The following OTUD7A variants were observed in gnomAD, a reference collection of about 807,000 sequenced individuals.
OTUD7A encodes the protein OTU domain-containing protein 7A.
A neutral mutation model predicts 65.7 loss-of-function variants in OTUD7A; 12 were observed. The observed-to-expected ratio is 0.18, with a 90% CI of 0.12 to 0.30. The LOEUF (loss-of-function observed/expected upper bound fraction) is 0.30, where lower values mean the gene tolerates loss of function less well. OTUD7A is among the 10% of genes least tolerant of loss of function. OTUD7A has a pLI of 1.00. For missense variants in OTUD7A, 1,148 were observed against 1,304.8 expected (o/e 0.88, Z 1.85); for synonymous variants, 641 against 586.3 (o/e 1.09, Z -1.35).
At chr15:31,505,568 T>A (rs934369507) in intron 8 of OTUD7A, among the ~76,000 whole-genome samples, 2 of 152,170 alleles carry the variant, frequency 1.3e-5, no homozygotes, top group Non-Finnish European at 2.9e-5. Flanking sequence ...AATTTTTTTT[T>A]AATTTGTCTG....
chr15:31,624,238 A>T (rs1890885187), intron 3 of OTUD7A, among the ~76,000 whole-genome samples: 1 of 152,264 alleles, frequency 6.6e-6, no homozygotes, highest in Admixed American at 6.5e-5. Flanking sequence ...TACAAATTTA[A>T]CATTAAATTA....
At chr15:31,769,741 T>C (rs1474561448) in intron 1 of OTUD7A, among the ~76,000 whole-genome samples, 1 of 152,216 alleles carries the variant, frequency 6.6e-6, no homozygotes, top group African/African-American at 2.4e-5. Context: ...TCCATTTTTA[T>C]GACACCCTGA....
intron 1 of OTUD7A, among the ~76,000 whole-genome samples, chr15:31,676,993 C>T (rs1211062986): frequency 6.6e-6 from 1 of 152,176 alleles, no homozygotes; most frequent in African/African-American, 2.4e-5. Flanking sequence ...TGACCATGGC[C>T]CTTGCCTTTG....
Position 31,483,538 on chromosome 15 carries a change from T to C in OTUD7A, c.2558A>G (p.His853Arg), listed in dbSNP as rs1024393364. 1.5e-6 allele frequency: 2 copies of C among 1,342,594 alleles called. No homozygotes were observed. The highest frequency in any genetic ancestry group is 1.9e-6 in the Non-Finnish European group (2 of 1,042,442). The allele number at this position is 1,342,594 out of a possible 1,614,324, so 83.2% of individuals were successfully genotyped here. Reference protein sequence around the residue: ...GAAGTAGAAEHKSQTYTNGFG... With the variant: ...GAAGTAGAAERKSQTYTNGFG... ...GCCGTTGGTGTAGGTCTGCGACTTG[T>C]GCTCGGCCGCCCCCGCCGTCCCCGC... is the stretch of plus-strand genomic sequence containing the variant. Residue 853 changes from histidine to arginine, a missense_variant, in exon 13 of 13, where the codon CAC becomes CGC. By Grantham distance (29) the His-to-Arg change is conservative. This residue lies in a region of OTUD7A where 842 missense variants were observed against 769.5 expected (regional missense o/e 1.09). Coordinates refer to ENST00000307050, the MANE Select transcript of OTUD7A (RefSeq NM_001382637.1).
rs911638540 is a variant in OTUD7A at position 31,843,496 on chromosome 15, G to A, written c.-100+27011C>T. Among the ~76,000 whole-genome samples, 10 of 152,146 alleles carry A rather than the reference G, an allele frequency of 6.6e-5. 1 individual carries two copies. Among genetic ancestry groups the A allele is most frequent in the Non-Finnish European group, 1.3e-4 (9 of 68,018 alleles). On this transcript the variant is annotated intron_variant, in intron 1 of 12. Transcript: ENST00000307050. ...ATGTATCATTTTGAAATGACAATCT[G>A]TACAATTTCCATTTAACACAATTAC...
rs5811658 is a variant in OTUD7A at position 31,726,347 on chromosome 15, G to GCACA, written c.-99-69274_-99-69271dup. ...TCTCGAATTACACACACACACACAC[G>GCACA]CACACACACACACACACACACTTTG... On this transcript the variant is annotated intron_variant, in intron 1 of 12. Coordinates refer to ENST00000307050, the MANE Select transcript of OTUD7A (RefSeq NM_001382637.1). Among the ~76,000 whole-genome samples the GCACA allele has an allele frequency of 4.2e-3, 624 of 149,902 alleles. 3 individuals are homozygous for GCACA. Among genetic ancestry groups the GCACA allele is most frequent in the African/African-American group, 0.01 (427 of 40,840 alleles).
intron 1 of OTUD7A, among the ~76,000 whole-genome samples, chr15:31,740,858 G>A (rs763719999): frequency 1.3e-5 from 2 of 152,234 alleles, no homozygotes; most frequent in Non-Finnish European, 2.9e-5. Context: ...TACATCATGT[G>A]AATTGTAACC....
intron 3 of OTUD7A, among the ~76,000 whole-genome samples, chr15:31,574,975 C>T (rs886147117): frequency 9.2e-5 from 14 of 152,246 alleles, no homozygotes; most frequent in East Asian, 5.8e-4. Context: ...GCCTGCTTGC[C>T]GTGCCCTGCC....
Position 31,870,499 on chromosome 15 carries a change from C to A in OTUD7A, c.-100+8G>T. ...CCGCCGGCAGCACCGCGGCCAGCGCCGTCTTACCTGCCGCGCCGCGCCGCT... is the reference window on the plus strand; with the variant it reads ...CCGCCGGCAGCACCGCGGCCAGCGCAGTCTTACCTGCCGCGCCGCGCCGCT... On this transcript the variant is annotated splice_region_variant and intron_variant, in intron 1 of 12. Coordinates refer to ENST00000307050, the MANE Select transcript of OTUD7A (RefSeq NM_001382637.1). 6.7e-6 allele frequency: 1 copy of A among 148,654 alleles called. No homozygotes were observed. Among genetic ancestry groups the A allele is most frequent in the South Asian group, 1.8e-4 (1 of 5,472 alleles). 9.2% of individuals were successfully genotyped at this position (148,654 alleles called of 1,614,324 possible).
chr15:31,863,251 G>A (rs948428596), intron 1 of OTUD7A, among the ~76,000 whole-genome samples: 1 of 152,170 alleles, frequency 6.6e-6, no homozygotes, highest in Non-Finnish European at 1.5e-5. Context: ...CAAAGTGTTG[G>A]TGGATCTCCA....
chr15:31,827,963 T>C (rs1177046851), intron 1 of OTUD7A, among the ~76,000 whole-genome samples: 1 of 152,126 alleles, frequency 6.6e-6, no homozygotes, highest in Non-Finnish European at 1.5e-5. Context: ...AATCAAATTA[T>C]GGTGAGGCTT....
intron 3 of OTUD7A, among the ~76,000 whole-genome samples, chr15:31,615,970 T>A (rs1235089681): frequency 6.6e-6 from 1 of 152,238 alleles, no homozygotes. Context: ...TGCAAGGCAG[T>A]CATCAGACAG....
At chr15:31,864,760 TACACACAC>T (rs72128495) in intron 1 of OTUD7A, among the ~76,000 whole-genome samples, 49 of 146,556 alleles carry the variant, frequency 3.3e-4, no homozygotes, top group Admixed American at 1.7e-3. Context: ...CTCCTCTTCC[TACACACAC>T]ACACACACAC....
intron 5 of OTUD7A, among the ~76,000 whole-genome samples, chr15:31,553,064 C>A (rs1888375173): frequency 6.6e-6 from 1 of 152,220 alleles, no homozygotes; most frequent in Non-Finnish European, 1.5e-5. Context: ...CACAGTGCAG[C>A]ATGGCTTCCC....
Position 31,753,737 on chromosome 15 carries a change from A to C in OTUD7A, c.-99-96660T>G, listed in dbSNP as rs1238632640. 4.7e-4 allele frequency among the ~76,000 whole-genome samples: 61 copies of C among 129,248 alleles called. 1 individual carries two copies. Among genetic ancestry groups the C allele is most frequent in the African/African-American group, 1.6e-3 (57 of 35,066 alleles). The allele number at this position is 129,248 out of a possible 152,430, so 84.8% of individuals were successfully genotyped here. A position where few individuals can be genotyped will look rare whatever the true frequency, so the allele number is the denominator to read the frequency against. ...ATATATATATTATATATATATATAT[A>C]TATCTCACAGTTTCTTTATCCATTC... On this transcript the variant is annotated intron_variant, in intron 1 of 12. Transcript: ENST00000307050.
chr15:31,631,065 T>C (rs1433582997), intron 3 of OTUD7A, among the ~76,000 whole-genome samples: 1 of 152,292 alleles, frequency 6.6e-6, no homozygotes, highest in Non-Finnish European at 1.5e-5. Context: ...TGTCTTTTAA[T>C]TGGAGCATTT....
At chr15:31,723,479 G>C (rs1467803293) in intron 1 of OTUD7A, among the ~76,000 whole-genome samples, 5 of 137,076 alleles carry the variant, frequency 3.6e-5, no homozygotes, top group African/African-American at 5.5e-5. Context: ...AGAAACGCAA[G>C]TCATACATCC....
At chr15:31,690,820 T>C (rs1892944284) in intron 1 of OTUD7A, among the ~76,000 whole-genome samples, 1 of 152,210 alleles carries the variant, frequency 6.6e-6, no homozygotes, top group Non-Finnish European at 1.5e-5. Context: ...GCTAAACCTA[T>C]AAAACTCATA....
chr15:31,496,395 G>A (rs1488216976), intron 10 of OTUD7A, among the ~76,000 whole-genome samples: 2 of 151,794 alleles, frequency 1.3e-5, no homozygotes, highest in African/African-American at 4.8e-5. Context: ...TTAATTTTTT[G>A]TATTTTTTAG....
Sources: allele counts gnomAD v4.1 joint callset (sites outside exome capture counted in the v4.1 genomes callset), GRCh38; gene constraint gnomAD v4.1.1; regional missense constraint gnomAD v4.1.1; transcripts MANE v1.5; gene names NCBI Gene and HGNC (gene_info 2026-07-23, HGNC 2026-07-21).